Variants in NTNG1 observed in about 807,000 individuals in gnomAD.
The protein encoded by NTNG1 is netrin G1.
In NTNG1, 16 loss-of-function variants were observed where a neutral mutation model predicts 54.0. The ratio of observed to expected loss-of-function variants is 0.30; its 90% CI spans 0.20 to 0.45. The LOEUF (loss-of-function observed/expected upper bound fraction) is 0.45, where lower values mean the gene tolerates loss of function less well. Ranked by LOEUF, NTNG1 falls within the 20% of genes least tolerant of loss-of-function variation. The pLI is 1.00. For synonymous variants in NTNG1, 255 were observed against 263.1 expected, an observed-to-expected ratio of 0.97 and a Z score of 0.30; for missense variants, 530 against 678.7, an observed-to-expected ratio of 0.78 and a Z score of 2.43.
In NTNG1 at chr1:107,267,040, G is replaced by A. The variant is rs542251905; in HGVS notation, c.247-57242G>A. On this transcript the variant is annotated intron_variant, in intron 2 of 7. Transcript: ENST00000370068. Reference sequence around the variant, plus strand: ...AGTCTCACTATAGTCACAACACATTGTACTACAATGTACAAAAAATGTCAA... The same window carrying A: ...AGTCTCACTATAGTCACAACACATTATACTACAATGTACAAAAAATGTCAA... 1.4e-4 allele frequency among the ~76,000 whole-genome samples: 22 copies of A among 152,192 alleles called. No individual in the cohort carries two copies. The South Asian group carries it at 3.5e-3, about 24-fold the overall frequency.
At chr1:107,376,835 G>A (rs1671303829) in intron 3 of NTNG1, among the ~76,000 whole-genome samples, 1 of 152,152 alleles carries the variant, frequency 6.6e-6, no homozygotes, top group South Asian at 2.1e-4. Context: ...CCCAGCACAT[G>A]CAAGTGTCCC....
At chr1:107,299,099 G>A (rs1270375294) in intron 2 of NTNG1, among the ~76,000 whole-genome samples, 1 of 152,116 alleles carries the variant, frequency 6.6e-6, no homozygotes, top group Non-Finnish European at 1.5e-5. Flanking sequence ...GAAGAAGAAA[G>A]CAGGGAGAAA....
chr1:107,158,875 G>A (rs1655199324), intron 2 of NTNG1, among the ~76,000 whole-genome samples: 1 of 152,182 alleles, frequency 6.6e-6, no homozygotes. Flanking sequence ...ATTTTAGTGT[G>A]TGCATAGGTG....
At chr1:107,241,776 A>G (rs1431585983) in intron 2 of NTNG1, among the ~76,000 whole-genome samples, 1 of 152,222 alleles carries the variant, frequency 6.6e-6, no homozygotes, top group Non-Finnish European at 1.5e-5. Flanking sequence ...ACTTGATGCC[A>G]GGAACATATT....
At chr1:107,240,832 A>T (rs1054274434) in intron 2 of NTNG1, among the ~76,000 whole-genome samples, 1 of 152,210 alleles carries the variant, frequency 6.6e-6, no homozygotes, top group South Asian at 2.1e-4. Flanking sequence ...TTGCTGCCAT[A>T]TGCTGGAAAA....
intron 2 of NTNG1, among the ~76,000 whole-genome samples, chr1:107,295,464 A>G (rs148278848): frequency 6.6e-6 from 1 of 152,294 alleles, no homozygotes; most frequent in East Asian, 1.9e-4. Flanking sequence ...TTCATGGCTT[A>G]TGCAATTGAC....
chr1:107,192,375 A>G (rs1403393964), intron 2 of NTNG1, among the ~76,000 whole-genome samples: 1 of 152,042 alleles, frequency 6.6e-6, no homozygotes, highest in Non-Finnish European at 1.5e-5. Flanking sequence ...TTCCTAAGAC[A>G]TAAGTAGATG....
chr1:107,222,588 A>C (rs1660414697), intron 2 of NTNG1, among the ~76,000 whole-genome samples: 1 of 152,186 alleles, frequency 6.6e-6, no homozygotes, highest in Non-Finnish European at 1.5e-5. Flanking sequence ...AGTGCTCCAC[A>C]GCAGCACACT....
chr1:107,292,254 A>G (rs1665653361), intron 2 of NTNG1, among the ~76,000 whole-genome samples: 1 of 152,162 alleles, frequency 6.6e-6, no homozygotes, highest in African/African-American at 2.4e-5. Flanking sequence ...GGCAACCTCA[A>G]TTCTCGCGTC....
At chr1:107,251,767 C>T (rs966936513) in intron 2 of NTNG1, among the ~76,000 whole-genome samples, 29 of 152,198 alleles carry the variant, frequency 1.9e-4, no homozygotes, top group Non-Finnish European at 4.1e-4. Context: ...CTTTGTCTCA[C>T]TGTTGTCTTA....
chr1:107,153,352 A>G (rs1654732158), intron 2 of NTNG1, among the ~76,000 whole-genome samples: 1 of 152,214 alleles, frequency 6.6e-6, no homozygotes, highest in Admixed American at 6.5e-5. Flanking sequence ...CAATTTTCCA[A>G]AAACTGGAAA....
rs150448958 is a variant in NTNG1, at chr1:107,148,319, A to T, written c.-275A>T. 1.4e-4 allele frequency: 53 copies of T among 377,818 alleles called. No individual in the cohort carries two copies. In the Admixed American group the frequency reaches 1.5e-3, roughly 11 times the overall value. The allele number at this position is 377,818 out of a possible 1,614,324, so 23.4% of individuals were successfully genotyped here. A position where few individuals can be genotyped will look rare whatever the true frequency, so the allele number is the denominator to read the frequency against. On this transcript the variant is annotated 5_prime_UTR_variant, in exon 2 of 8. Transcript: ENST00000370068. ...GAGTCTAATAGATATGTTCTAAGAC[A>T]AAGAAAAAGCTGCAAGTTGTTAACG...
At chr1:107,293,185 G>A (rs1665731123) in intron 2 of NTNG1, among the ~76,000 whole-genome samples, 1 of 152,008 alleles carries the variant, frequency 6.6e-6, no homozygotes, top group African/African-American at 2.4e-5. Flanking sequence ...ATCACTTAGG[G>A]GTTATTTACA....
chr1:107,352,294 A>G (rs989745688), intron 3 of NTNG1, among the ~76,000 whole-genome samples: 1 of 147,922 alleles, frequency 6.8e-6, no homozygotes, highest in Non-Finnish European at 1.5e-5. Context: ...GAGGTTCTTC[A>G]TGAGGGCTTT....
At chr1:107,262,577 G>T (rs1443639428) in intron 2 of NTNG1, among the ~76,000 whole-genome samples, 1 of 152,188 alleles carries the variant, frequency 6.6e-6, no homozygotes, top group Non-Finnish European at 1.5e-5. Context: ...AATCAGTCTG[G>T]CTGCAGCCCA....
intron 3 of NTNG1, among the ~76,000 whole-genome samples, chr1:107,339,002 T>C (rs559650368): frequency 1.6e-4 from 25 of 152,082 alleles, no homozygotes; most frequent in Admixed American, 1.4e-3. Flanking sequence ...AAAGCTTCAA[T>C]AGAGCTCTTT....
chr1:107,446,335 T>C (rs1676302397), intron 7 of NTNG1, among the ~76,000 whole-genome samples: 1 of 151,966 alleles, frequency 6.6e-6, no homozygotes, highest in East Asian at 1.9e-4. Context: ...TTTAGTACAA[T>C]CAGCAACTAA....
At chr1:107,326,239 G>A (rs917241222) in intron 3 of NTNG1, among the ~76,000 whole-genome samples, 1 of 152,004 alleles carries the variant, frequency 6.6e-6, no homozygotes, top group African/African-American at 2.4e-5. Flanking sequence ...AGAATCAAAA[G>A]CCTTTATCTG....
intron 2 of NTNG1, among the ~76,000 whole-genome samples, chr1:107,216,437 G>C (rs1262925210): frequency 1.3e-5 from 2 of 152,124 alleles, no homozygotes. Context: ...CTGTTTATCT[G>C]ATATACCACA....
Sources: allele counts gnomAD v4.1 joint callset (sites outside exome capture counted in the v4.1 genomes callset), GRCh38; gene constraint gnomAD v4.1.1; transcripts MANE v1.5; gene names NCBI Gene and HGNC (gene_info 2026-07-23, HGNC 2026-07-21).